The following TAFA5 variants were observed in gnomAD, a reference collection of about 807,000 sequenced individuals.
The protein encoded by TAFA5 is TAFA chemokine like family member 5, also known as chemokine-like protein TAFA-5.
Under a neutral mutation model 15.3 loss-of-function variants are expected in TAFA5, and 6 were observed. The ratio of observed to expected loss-of-function variants is 0.39; its 90% CI spans 0.21 to 0.77. The LOEUF is 0.77. Ranked by LOEUF, TAFA5 falls within the 30% of genes least tolerant of loss-of-function variation. The probability of loss-of-function intolerance (pLI) is 0.41; values close to 1 mark genes in which losing one functional copy is unlikely to be tolerated. For synonymous variants in TAFA5, 103 were observed against 80.7 expected (o/e 1.28, Z -1.48); for missense variants, 161 against 193.1 (o/e 0.83, Z 0.98).
At chr22:48,520,713 C>T (rs1450169451) in intron 1 of TAFA5, among the ~76,000 whole-genome samples, 2 of 152,216 alleles carry the variant, frequency 1.3e-5, no homozygotes, top group South Asian at 2.1e-4. Flanking sequence ...GAAGAGGGGG[C>T]ATGGAGCTCT....
Position 48,500,771 on chromosome 22 carries a change from G to A in TAFA5, c.112+11067G>A, listed in dbSNP as rs913415310. On this transcript the variant is annotated intron_variant, in intron 1 of 3. Transcript: ENST00000402357. ...GTGTCCCAGAACCCAGCCTGCCGTC[G>A]CCGCCTCGGGTTCCTGGATGCACAC... Among the ~76,000 whole-genome samples the A allele has an allele frequency of 6.6e-5, 10 of 152,218 alleles. No individual in the cohort carries two copies. The East Asian group carries it at 1.7e-3, about 26-fold the overall frequency.
At chr22:48,654,680 G>A (rs1026601760) in intron 2 of TAFA5, among the ~76,000 whole-genome samples, 3 of 152,026 alleles carry the variant, frequency 2.0e-5, no homozygotes, top group Non-Finnish European at 2.9e-5. Context: ...ATTTTTTTTC[G>A]AATTCTGTCA....
At chr22:48,531,998 C>T (rs1463342199) in intron 1 of TAFA5, among the ~76,000 whole-genome samples, 2 of 152,236 alleles carry the variant, frequency 1.3e-5, no homozygotes, top group African/African-American at 4.8e-5. Context: ...TGCAGCTGAG[C>T]TCCCGTTTCC....
At chr22:48,721,666 G>A (rs1569094013) in intron 3 of TAFA5, among the ~76,000 whole-genome samples, 1 of 152,180 alleles carries the variant, frequency 6.6e-6, no homozygotes, top group East Asian at 1.9e-4. Context: ...CTTCCTGACT[G>A]TACTGTGGAA....
chr22:48,751,776 C>A lies in TAFA5; in HGVS notation c.*1929C>A, dbSNP rs970202285. On this transcript the variant is annotated 3_prime_UTR_variant, in exon 4 of 4. Transcript: ENST00000402357. ...CAGCCAGCGTCCTCACGGCCTCCCC[C>A]TCGCCTGTTTCTTTTGAAAGCAAGT... The A allele has an allele frequency of 2.6e-5, 4 of 152,530 alleles. No homozygotes were observed. The highest frequency in any genetic ancestry group is 4.8e-5 in the African/African-American group (2 of 41,472). The allele number at this position is 152,530 out of a possible 1,614,324, so 9.4% of individuals were successfully genotyped here. A position where few individuals can be genotyped will look rare whatever the true frequency, so the allele number is the denominator to read the frequency against.
chr22:48,672,679 C>T (rs1169278314), intron 2 of TAFA5, among the ~76,000 whole-genome samples: 1 of 152,222 alleles, frequency 6.6e-6, no homozygotes, highest in Non-Finnish European at 1.5e-5. Context: ...AACCCATGCA[C>T]CATCCTTTTG....
chr22:48,657,645 C>G (rs989269938), intron 2 of TAFA5, among the ~76,000 whole-genome samples: 2 of 152,218 alleles, frequency 1.3e-5, no homozygotes, highest in Non-Finnish European at 2.9e-5. Context: ...CGCCTCATCC[C>G]TGAGGCACGT....
At chr22:48,691,853 T>C (rs1021480664) in intron 2 of TAFA5, among the ~76,000 whole-genome samples, 9 of 151,986 alleles carry the variant, frequency 5.9e-5, no homozygotes, top group African/African-American at 2.2e-4. Context: ...GTCTGGGCCC[T>C]CCCAGGTGTG....
chr22:48,536,445 C>T (rs1487654256), intron 1 of TAFA5, among the ~76,000 whole-genome samples: 6 of 152,254 alleles, frequency 3.9e-5, no homozygotes, highest in Admixed American at 2.0e-4. Context: ...CGGGAGCCGG[C>T]GCGGGTGGGT....
intron 1 of TAFA5, among the ~76,000 whole-genome samples, chr22:48,558,129 C>T (rs1020977658): frequency 2.6e-5 from 4 of 152,178 alleles, no homozygotes; most frequent in Non-Finnish European, 5.9e-5. Context: ...AGATGGAGAG[C>T]AAGCCGGGCC....
chr22:48,563,963 G>A (rs888832869), intron 1 of TAFA5, among the ~76,000 whole-genome samples: 1 of 151,994 alleles, frequency 6.6e-6, no homozygotes, highest in African/African-American at 2.4e-5. Context: ...TGTAGAAGGA[G>A]CAGCTGTTCT....
intron 2 of TAFA5, among the ~76,000 whole-genome samples, chr22:48,657,487 C>CA (rs1296358045): frequency 2.0e-5 from 3 of 152,134 alleles, no homozygotes; most frequent in African/African-American, 4.8e-5. Flanking sequence ...AAAGCTCTTC[C>CA]AAAAAATAGA....
At position 48,495,616 on chromosome 22, in the gene TAFA5, T is replaced by C. The variant is rs73433632; in HGVS notation, c.112+5912T>C. On this transcript the variant is annotated intron_variant, in intron 1 of 3. Transcript: ENST00000402357. ...CCCCTGGCCCTGCACCCAGCCGGCA[T>C]GTCCATTCGTTGTCCCAAAGACATC... Among the ~76,000 whole-genome samples, 318 of 152,302 alleles carry C rather than the reference T, an allele frequency of 2.1e-3. 1 individual carries two copies. The highest frequency in any genetic ancestry group is 7.4e-3 in the African/African-American group (306 of 41,572).
intron 2 of TAFA5, among the ~76,000 whole-genome samples, chr22:48,654,265 C>T (rs1601646289): frequency 6.6e-6 from 1 of 152,094 alleles, no homozygotes; most frequent in African/African-American, 2.4e-5. Flanking sequence ...CTGGGCTGGG[C>T]CTGACCCTGG....
chr22:48,607,911 C>T (rs1925254068), intron 1 of TAFA5, among the ~76,000 whole-genome samples: 1 of 152,168 alleles, frequency 6.6e-6, no homozygotes, highest in Non-Finnish European at 1.5e-5. Flanking sequence ...GGAGCTATGA[C>T]TTGTGGGGAG....
chr22:48,594,790 G>A (rs117869906), intron 1 of TAFA5, among the ~76,000 whole-genome samples: 39 of 152,332 alleles, frequency 2.6e-4, no homozygotes, highest in Non-Finnish European at 4.4e-4. Flanking sequence ...ACGGATGGGC[G>A]TAAGGACGGG....
At chr22:48,693,074 C>T (rs537118035) in intron 2 of TAFA5, among the ~76,000 whole-genome samples, 4 of 152,372 alleles carry the variant, frequency 2.6e-5, no homozygotes, top group East Asian at 1.9e-4. Flanking sequence ...GGCCCAAGGC[C>T]GTTGGAACGC....
At chr22:48,606,247 A>AAGG (rs1407991868) in intron 1 of TAFA5, among the ~76,000 whole-genome samples, 1 of 152,206 alleles carries the variant, frequency 6.6e-6, no homozygotes, top group Admixed American at 6.5e-5. Flanking sequence ...GGAGAGACAG[A>AAGG]GTGAGAGCTC....
intron 1 of TAFA5, among the ~76,000 whole-genome samples, chr22:48,607,763 C>T (rs1048769429): frequency 2.0e-5 from 3 of 148,546 alleles, no homozygotes; most frequent in Admixed American, 1.3e-4. Flanking sequence ...GAAGGGTCTG[C>T]AGCAGGCAGA....
Sources: gnomAD v4.1 joint callset for allele counts (sites outside exome capture counted in the v4.1 genomes callset) on GRCh38, gnomAD v4.1.1 for gene constraint, MANE v1.5 for transcripts, NCBI Gene and HGNC (gene_info 2026-07-23, HGNC 2026-07-21) for gene names.